OR2AJ1: variants seen among roughly 807,000 people sequenced by gnomAD.
OR2AJ1 encodes olfactory receptor family 2 subfamily AJ member 1.
For synonymous variants in OR2AJ1, 105 were observed against 60.3 expected, an observed-to-expected ratio of 1.74 and a Z score of -3.44; for missense variants, 280 against 163.2, an observed-to-expected ratio of 1.72 and a Z score of -3.90.
Position 247,934,220 on chromosome 1 carries a change from T to C in OR2AJ1, c.452T>C (p.Ile151Thr), listed in dbSNP as rs1326868308. ...CTCATGGCTGGAGGCTCCTGGCTCA[T>C]TGGGGTTTTCAACTCCACAGTCCAC... ...SALMAGGSWL[I>T]GVFNSTVHTA... is the part of the protein sequence containing the mutation. The change falls in exon 2 of 2, where the codon ATT becomes ACT. Residue 151 changes from isoleucine to threonine, a missense_variant. Ile to Thr is a moderately conservative substitution (Grantham distance 89). Coordinates refer to ENST00000318244, the MANE Select transcript of OR2AJ1 (RefSeq NM_001355235.2). 5.6e-6 allele frequency: 4 copies of C among 718,884 alleles called. No homozygotes were observed. The highest frequency in any genetic ancestry group is 2.7e-5 in the East Asian group (1 of 37,406). The allele number at this position is 718,884 out of a possible 1,614,324, so 44.5% of individuals were successfully genotyped here.
At position 247,932,266 on chromosome 1, in the gene OR2AJ1, G is replaced by A. The variant is rs1193884192; in HGVS notation, c.-22-1481G>A. Among the ~76,000 whole-genome samples, 3 of 152,182 alleles carry A rather than the reference G, an allele frequency of 2.0e-5. No individual in the cohort carries two copies. The East Asian group carries it at 5.8e-4, about 29-fold the overall frequency. ...CTCGAGAATTGCTTGACTCCAGGAGGCTGAGGTTGCAGTGAGCTGAGATCA... is the reference window on the plus strand; with the variant it reads ...CTCGAGAATTGCTTGACTCCAGGAGACTGAGGTTGCAGTGAGCTGAGATCA... On this transcript the variant is annotated intron_variant, in intron 1 of 1. Transcript: ENST00000318244.
chr1:247,933,903 G>T lies in OR2AJ1; in HGVS notation c.135G>T (p.Met45Ile). 2.8e-6 allele frequency: 2 copies of T among 716,862 alleles called. No individual in the cohort carries two copies. The highest frequency in any genetic ancestry group is 5.2e-6 in the Non-Finnish European group (2 of 384,698). 44.4% of individuals were successfully genotyped at this position (716,862 alleles called of 1,614,324 possible). A position where few individuals can be genotyped will look rare whatever the true frequency, so the allele number is the denominator to read the frequency against. ...FIMSVTENTL[M>I]ILLIRSDSRL... The stretch of plus-strand genomic sequence containing the variant: ...TGAGTGTAACAGAAAATACGCTCAT[G>T]ATCCTCCTCATTCGCAGTGACTCCC... The change falls in exon 2 of 2, where the codon ATG becomes ATT. Residue 45 changes from methionine to isoleucine, a missense_variant. Physicochemically the swap from Met to Ile is conservative, Grantham distance 10. Transcript: ENST00000318244.
chr1:247,934,545 T>C lies in OR2AJ1; in HGVS notation c.777T>C (p.Tyr259=). The change falls in exon 2 of 2, where the codon TAT becomes TAC. Residue 259 remains tyrosine (Y), a synonymous_variant. Transcript: ENST00000318244. The part of the protein sequence containing the change: ...TMYYGPFIFT[Y]MRPKSYHTPG... The stretch of plus-strand genomic sequence containing the variant: ...ACTATGGGCCATTTATTTTTACATA[T>C]ATGAGACCTAAATCATACCACACTC... 1 of 717,612 alleles carries C rather than the reference T, an allele frequency of 1.4e-6. No individual in the cohort carries two copies. The highest frequency in any genetic ancestry group is 2.6e-6 in the Non-Finnish European group (1 of 385,120). 44.5% of individuals were successfully genotyped at this position (717,612 alleles called of 1,614,324 possible).
chr1:247,927,514 G>GTGTGTGTGTGTGTGTGTGTT (rs1660106522), intron 1 of OR2AJ1, among the ~76,000 whole-genome samples: 1 of 151,954 alleles, frequency 6.6e-6, no homozygotes, highest in African/African-American at 2.4e-5. Context: ...GTGTGTGTGT[G>GTGTGTGTGTGTGTGTGTGTT]TGTGTTGGGA....
chr1:247,928,004 CA>C (rs1660111776), intron 1 of OR2AJ1, among the ~76,000 whole-genome samples: 1 of 152,154 alleles, frequency 6.6e-6, no homozygotes, highest in African/African-American at 2.4e-5. Context: ...GATGTCCCTT[CA>C]ATAGGCTAAT....
chr1:247,926,532 G>A (rs1275969550), intron 1 of OR2AJ1, among the ~76,000 whole-genome samples: 1 of 152,134 alleles, frequency 6.6e-6, no homozygotes, highest in Non-Finnish European at 1.5e-5. Flanking sequence ...TCAGCATAAT[G>A]CTATTGCTTT....
chr1:247,925,748 A>T (rs1443194015), intron 1 of OR2AJ1, among the ~76,000 whole-genome samples: 2 of 152,192 alleles, frequency 1.3e-5, no homozygotes, highest in East Asian at 1.9e-4. Flanking sequence ...TGTCATTATA[A>T]TTTTTGTGTT....
chr1:247,933,710 AT>A (rs1378167930), intron 1 of OR2AJ1, 36 bp from the exon 2 acceptor site: 5 of 553,010 alleles, frequency 9.0e-6, no homozygotes, highest in Non-Finnish European at 1.3e-5. Context: ...TTACACTAAT[AT>A]TTTTTCTTTA....
At chr1:247,928,987 G>A (rs1409670020) in intron 1 of OR2AJ1, among the ~76,000 whole-genome samples, 3 of 152,062 alleles carry the variant, frequency 2.0e-5, no homozygotes, top group Non-Finnish European at 4.4e-5. Context: ...CCAGCTCCTT[G>A]GGAGACAGTA....
At chr1:247,929,015 A>C (rs1189926115) in intron 1 of OR2AJ1, among the ~76,000 whole-genome samples, 1 of 152,160 alleles carries the variant, frequency 6.6e-6, no homozygotes, top group Admixed American at 6.5e-5. Context: ...GAATCCCTTA[A>C]ATCAGGTGGC....
At chr1:247,932,224 C>A (rs933613026) in intron 1 of OR2AJ1, among the ~76,000 whole-genome samples, 1 of 152,216 alleles carries the variant, frequency 6.6e-6, no homozygotes, top group African/African-American at 2.4e-5. Context: ...GTATTCCAAG[C>A]TACTCGGAAG....
At chr1:247,930,711 T>A (rs1660143372) in intron 1 of OR2AJ1, among the ~76,000 whole-genome samples, 1 of 152,124 alleles carries the variant, frequency 6.6e-6, no homozygotes, top group African/African-American at 2.4e-5. Flanking sequence ...AATGAAGACA[T>A]TTTTAGATAT....
At chr1:247,933,293 G>A (rs1660173924) in intron 1 of OR2AJ1, among the ~76,000 whole-genome samples, 1 of 152,166 alleles carries the variant, frequency 6.6e-6, no homozygotes, top group African/African-American at 2.4e-5. Flanking sequence ...AAAATAAACA[G>A]TAAATATAAC....
rs752546082 is a variant in OR2AJ1 at position 247,934,357 on chromosome 1, C to A, written c.589C>A (p.Arg197=). The part of the protein sequence containing the change: ...LSCADTTRYE[R]GVCVSAVIFL... ...CTGTGCAGACACAACACGCTATGAA[C>A]GAGGGGTTTGTGTAAGTGCTGTGAT... The change falls in exon 2 of 2, where the codon CGA becomes AGA. Residue 197 remains arginine (R), a synonymous_variant. Coordinates refer to ENST00000318244, the MANE Select transcript of OR2AJ1 (RefSeq NM_001355235.2). 1.4e-6 allele frequency: 1 copy of A among 726,134 alleles called. No individual in the cohort carries two copies. Among genetic ancestry groups the A allele is most frequent in the East Asian group, 2.6e-5 (1 of 37,994 alleles). The allele number at this position is 726,134 out of a possible 1,614,324, so 45.0% of individuals were successfully genotyped here.
chr1:247,925,675 T>A (rs1360168725), intron 1 of OR2AJ1, among the ~76,000 whole-genome samples: 5 of 152,146 alleles, frequency 3.3e-5, no homozygotes, highest in African/African-American at 1.2e-4. Flanking sequence ...GAAAGAGGAA[T>A]CTAGTGTTAG....
chr1:247,926,583 T>A (rs532526778), intron 1 of OR2AJ1, among the ~76,000 whole-genome samples: 1 of 152,224 alleles, frequency 6.6e-6, no homozygotes, highest in Non-Finnish European at 1.5e-5. Flanking sequence ...CATTGATGCA[T>A]ACAATTTGTG....
At chr1:247,927,519 T>TGTGTGTGTGTGTG (rs74163828) in intron 1 of OR2AJ1, among the ~76,000 whole-genome samples, 4 of 151,710 alleles carry the variant, frequency 2.6e-5, no homozygotes, top group African/African-American at 7.3e-5. Context: ...TGTGTGTGTG[T>TGTGTGTGTGTGTG]TGGGAACATT....
At position 247,934,239 on chromosome 1, in the gene OR2AJ1, A is replaced by T. The variant is rs1660189986; in HGVS notation, c.471A>T (p.Thr157=). The part of the protein sequence containing the change: ...GSWLIGVFNS[T]VHTAYALQFP... ...GGCTCATTGGGGTTTTCAACTCCAC[A>T]GTCCACACAGCTTATGCACTGCAGT... The change falls in exon 2 of 2, where the codon ACA becomes ACT. Residue 157 remains threonine, a synonymous_variant. Coordinates refer to ENST00000318244, the MANE Select transcript of OR2AJ1 (RefSeq NM_001355235.2). The T allele has an allele frequency of 1.4e-6, 1 of 720,052 alleles. No homozygotes were observed. The highest frequency in any genetic ancestry group is 2.0e-5 in the Admixed American group (1 of 50,172). 44.6% of individuals were successfully genotyped at this position (720,052 alleles called of 1,614,324 possible).
At chr1:247,926,839 C>T (rs1660096244) in intron 1 of OR2AJ1, among the ~76,000 whole-genome samples, 1 of 152,144 alleles carries the variant, frequency 6.6e-6, no homozygotes, top group African/African-American at 2.4e-5. Flanking sequence ...AGAATGGTTT[C>T]AACAATAGAC....
Sources: allele counts gnomAD v4.1 joint callset (sites outside exome capture counted in the v4.1 genomes callset), GRCh38; gene constraint gnomAD v4.1.1; transcripts MANE v1.5; gene names NCBI Gene and HGNC (gene_info 2026-07-23, HGNC 2026-07-21).